Variants in ASXL2 observed in about 807,000 individuals in gnomAD.
ASXL2 encodes the protein putative Polycomb group protein ASXL2.
A neutral mutation model predicts 122.0 loss-of-function variants in ASXL2; 23 were observed. That is an observed-to-expected ratio of 0.19 (90% CI 0.14 to 0.27). ASXL2 has a LOEUF of 0.27. Among genes scored for constraint, ASXL2 ranks in the 10% least tolerant of loss-of-function variants. The pLI is 1.00. For missense variants in ASXL2, 1,518 were observed against 1,713.8 expected (o/e 0.89, Z 2.02); for synonymous variants, 650 against 637.0 (o/e 1.02, Z -0.31).
intron 5 of ASXL2, among the ~76,000 whole-genome samples, chr2:25,784,518 T>C (rs1419886686): frequency 6.6e-6 from 1 of 152,202 alleles, no homozygotes; most frequent in East Asian, 1.9e-4. Flanking sequence ...ACCTAGGTGG[T>C]ATAAAACAAG....
At chr2:25,826,305 T>C (rs2089376103) in intron 3 of ASXL2, among the ~76,000 whole-genome samples, 2 of 152,212 alleles carry the variant, frequency 1.3e-5, no homozygotes, top group Non-Finnish European at 2.9e-5. Flanking sequence ...GTTGTTTAAG[T>C]ATTTTAAGAC....
intron 5 of ASXL2, among the ~76,000 whole-genome samples, chr2:25,798,074 G>A (rs555582265): frequency 6.6e-6 from 1 of 152,312 alleles, no homozygotes; most frequent in East Asian, 1.9e-4. Flanking sequence ...TACCAGAACA[G>A]AAAACCAAAT....
At chr2:25,803,927 C>T (rs1053697662) in intron 4 of ASXL2, among the ~76,000 whole-genome samples, 1 of 152,158 alleles carries the variant, frequency 6.6e-6, no homozygotes. Flanking sequence ...AACCTCCACA[C>T]ATCTGGTGTT....
At chr2:25,842,722 A>G (rs538129233) in intron 2 of ASXL2, among the ~76,000 whole-genome samples, 49 of 151,350 alleles carry the variant, frequency 3.2e-4, no homozygotes, top group Non-Finnish European at 5.2e-4. Context: ...ATAGATAGAT[A>G]GATGTATATA....
At chr2:25,840,357 T>C (rs908025714) in intron 2 of ASXL2, among the ~76,000 whole-genome samples, 1 of 152,214 alleles carries the variant, frequency 6.6e-6, no homozygotes, top group Non-Finnish European at 1.5e-5. Context: ...AAATATTTTA[T>C]TGGTTGGTTG....
intron 9 of ASXL2, among the ~76,000 whole-genome samples, chr2:25,759,136 G>C (rs2088192032): frequency 6.6e-6 from 1 of 152,018 alleles, no homozygotes; most frequent in South Asian, 2.1e-4. Flanking sequence ...TGTATTTTTA[G>C]TAGAGACAGG....
At chr2:25,813,845 T>C (rs2089202360) in intron 3 of ASXL2, among the ~76,000 whole-genome samples, 1 of 152,050 alleles carries the variant, frequency 6.6e-6, no homozygotes, top group Non-Finnish European at 1.5e-5. Flanking sequence ...GGTCAGGAGA[T>C]CGAGACCATC....
In ASXL2 at chr2:25,775,445, T is replaced by C. The variant is rs1037417876; in HGVS notation, c.404-3905A>G. On this transcript the variant is annotated intron_variant, in intron 5 of 12. Transcript: ENST00000435504. Reference sequence around the variant, plus strand: ...GCTGGGCCCCAAATCTCATCTTGAATTGTAATCCCCACGTGTCAGCGGAGT... The same window carrying C: ...GCTGGGCCCCAAATCTCATCTTGAACTGTAATCCCCACGTGTCAGCGGAGT... Among the ~76,000 whole-genome samples the C allele has an allele frequency of 2.6e-5, 4 of 152,100 alleles. No individual in the cohort carries two copies. In the East Asian group the frequency reaches 5.8e-4, roughly 22 times the overall value.
chr2:25,782,725 T>C (rs2088665563), intron 5 of ASXL2, among the ~76,000 whole-genome samples: 2 of 152,334 alleles, frequency 1.3e-5, no homozygotes, highest in South Asian at 2.1e-4. Context: ...CTCAATTTTA[T>C]TGAGCATAAA....
chr2:25,753,431 G>A, intron 11 of ASXL2, 103 bp downstream of exon 11: 3 of 749,176 alleles, frequency 4.0e-6, no homozygotes, highest in South Asian at 2.8e-5. Flanking sequence ...CAAAACAGAA[G>A]GAAACTGGGG....
rs777867553 is a variant in ASXL2, at chr2:25,742,479, G to A, written c.3858C>T (p.Pro1286=). The change falls in exon 13 of 13, where the codon CCC becomes CCT. Residue 1286 remains proline, a synonymous_variant. Coordinates refer to ENST00000435504, the MANE Select transcript of ASXL2 (RefSeq NM_018263.6). ...AVRGKAIRSS[P]ELFSSTVLPL... is the part of the protein sequence containing the mutation. ...GAAGAACAGTAGAACTGAAAAGCTC[G>A]GGGCTGCTACGGATTGCCTTACCTC... The A allele has an allele frequency of 1.2e-5, 20 of 1,613,506 alleles. No individual in the cohort carries two copies. The highest frequency in any genetic ancestry group is 1.6e-4 in the Middle Eastern group (1 of 6,084).
intron 5 of ASXL2, among the ~76,000 whole-genome samples, chr2:25,783,142 A>C (rs1001687732): frequency 2.0e-5 from 3 of 152,152 alleles, no homozygotes; most frequent in Admixed American, 2.0e-4. Flanking sequence ...ATAAATAAAT[A>C]AATAAAAATT....
At chr2:25,782,362 T>C (rs1322176399) in intron 5 of ASXL2, among the ~76,000 whole-genome samples, 1 of 151,758 alleles carries the variant, frequency 6.6e-6, no homozygotes, top group Admixed American at 6.6e-5. Context: ...CAGGCCAACA[T>C]GGTGAAGCCC....
intron 3 of ASXL2, among the ~76,000 whole-genome samples, chr2:25,825,420 C>A (rs1258286737): frequency 6.6e-6 from 1 of 152,186 alleles, no homozygotes; most frequent in Non-Finnish European, 1.5e-5. Context: ...AAAACGGAAA[C>A]TCTACACCCA....
Position 25,752,245 on chromosome 2 carries a change from T to C in ASXL2, c.1142+1289A>G, listed in dbSNP as rs150332501. ...GAAGGAAGGAAGGGAGACTAACAAG[T>C]AGGAGTCCAAGTGTTCAATCCTATT... On this transcript the variant is annotated intron_variant, in intron 11 of 12. Coordinates refer to ENST00000435504, the MANE Select transcript of ASXL2 (RefSeq NM_018263.6). Among the ~76,000 whole-genome samples, 364 of 152,308 alleles carry C rather than the reference T, an allele frequency of 2.4e-3. 2 individuals carry two copies. The highest frequency in any genetic ancestry group is 8.3e-3 in the African/African-American group (347 of 41,568).
At chr2:25,809,064 A>G (rs2089127070) in intron 3 of ASXL2, among the ~76,000 whole-genome samples, 1 of 152,250 alleles carries the variant, frequency 6.6e-6, no homozygotes, top group Non-Finnish European at 1.5e-5. Context: ...AAGTACAATG[A>G]GATAGCACTT....
intron 5 of ASXL2, among the ~76,000 whole-genome samples, chr2:25,795,227 T>G (rs1211676744): frequency 6.6e-6 from 1 of 152,212 alleles, no homozygotes; most frequent in Admixed American, 6.5e-5. Flanking sequence ...ATAGAGCATC[T>G]CATCTTACTG....
At chr2:25,801,594 A>G (rs2088999649) in intron 4 of ASXL2, among the ~76,000 whole-genome samples, 1 of 151,856 alleles carries the variant, frequency 6.6e-6, no homozygotes, top group Non-Finnish European at 1.5e-5. Context: ...TATAGGTTCA[A>G]CAAGTATCTG....
rs748627861 is a variant in ASXL2 at position 25,743,369 on chromosome 2, T to A, written c.2968A>T (p.Met990Leu). The change falls in exon 13 of 13, where the codon ATG becomes TTG. Residue 990 changes from methionine to leucine, a missense_variant. Met to Leu is a conservative substitution (Grantham distance 15, BLOSUM62 2). Around this residue, in one of 8 missense-constraint regions of ASXL2, gnomAD observed 831 missense variants for 833.1 expected, o/e 1.00. Coordinates refer to ENST00000435504, the MANE Select transcript of ASXL2 (RefSeq NM_018263.6). The part of the protein sequence containing the change: ...VPLTAKEERG[M>L]GALIATNTTE... ...GTGTTGGTAGCTATGAGCGCTCCCA[T>A]CCCCCTTTCCTCTTTTGCAGTCAGT... The A allele has an allele frequency of 3.1e-6, 5 of 1,613,904 alleles. No individual in the cohort carries two copies. In the East Asian group the frequency reaches 6.7e-5, roughly 22 times the overall value.
Sources: gnomAD v4.1 joint callset for allele counts (sites outside exome capture counted in the v4.1 genomes callset) on GRCh38, gnomAD v4.1.1 for gene constraint, gnomAD v4.1.1 regional missense constraint, MANE v1.5 for transcripts, NCBI Gene and HGNC (gene_info 2026-07-23, HGNC 2026-07-21) for gene names.